The following IL1RAPL1 variants were observed in gnomAD, a reference collection of about 807,000 sequenced individuals.
IL1RAPL1 encodes interleukin 1 receptor accessory protein like 1, also known as interleukin-1 receptor accessory protein-like 1.
IL1RAPL1 carries 3 observed loss-of-function variants against 48.4 expected under a neutral mutation model. The observed-to-expected ratio is 0.06, with a 90% CI of 0.03 to 0.16. The LOEUF (loss-of-function observed/expected upper bound fraction) is 0.16, where lower values mean the gene tolerates loss of function less well. IL1RAPL1 is among the 10% of genes least tolerant of loss of function. The probability of loss-of-function intolerance (pLI) is 1.00; values close to 1 mark genes in which losing one functional copy is unlikely to be tolerated. For missense variants in IL1RAPL1, 349 were observed against 530.6 expected (o/e 0.66, Z 3.36); for synonymous variants, 185 against 187.7 (o/e 0.99, Z 0.12).
intron 6 of IL1RAPL1, among the ~76,000 whole-genome samples, chrX:29,839,710 G>T (rs1373748909): frequency 8.9e-6 from 1 of 111,918 alleles, no homozygotes; most frequent in Non-Finnish European, 1.9e-5. Flanking sequence ...GAGGCCAGGG[G>T]TTCAAGACCA....
At chrX:29,445,294 C>T (rs1934599561) in intron 5 of IL1RAPL1, among the ~76,000 whole-genome samples, 1 of 112,155 alleles carries the variant, frequency 8.9e-6, no homozygotes, top group Non-Finnish European at 1.9e-5. Flanking sequence ...CTAAAAGGCA[C>T]ACCTTGGTTC....
chrX:29,628,854 T>G (rs1203233079), intron 5 of IL1RAPL1, among the ~76,000 whole-genome samples: 1 of 112,084 alleles, frequency 8.9e-6, no homozygotes, highest in Non-Finnish European at 1.9e-5. Flanking sequence ...CTGCAAGAGA[T>G]ACAAAGAAAA....
intron 2 of IL1RAPL1, among the ~76,000 whole-genome samples, chrX:29,097,169 A>G (rs1156798280): frequency 8.9e-6 from 1 of 111,790 alleles, no homozygotes; most frequent in Non-Finnish European, 1.9e-5. Flanking sequence ...GTACTGGAAC[A>G]CCCATACTTT....
chrX:29,090,977 A>G (rs1354629378), intron 2 of IL1RAPL1, among the ~76,000 whole-genome samples: 1 of 112,121 alleles, frequency 8.9e-6, no homozygotes. Flanking sequence ...TTGTGTTTTG[A>G]AGACAGGACA....
intron 2 of IL1RAPL1, among the ~76,000 whole-genome samples, chrX:29,096,448 C>T (rs1395147210): frequency 9.0e-6 from 1 of 111,588 alleles, no homozygotes; most frequent in East Asian, 2.8e-4. Flanking sequence ...TTTTCAAACA[C>T]TGGCCAGTCC....
chrX:29,713,274 C>A (rs1927400234), intron 6 of IL1RAPL1, among the ~76,000 whole-genome samples: 1 of 111,545 alleles, frequency 9.0e-6, no homozygotes. Context: ...TAATACATTG[C>A]ATATATCAAA....
At position 28,643,135 on chromosome X, in the gene IL1RAPL1, C is replaced by T. The variant is rs182323133; in HGVS notation, c.-25+55088C>T. Among the ~76,000 whole-genome samples, 890 of 111,477 alleles carry T rather than the reference C, an allele frequency of 8.0e-3. 11 individuals are homozygous for T. The highest frequency in any genetic ancestry group is 0.027 in the African/African-American group (838 of 30,647). On this transcript the variant is annotated intron_variant, in intron 1 of 10. Transcript: ENST00000378993. ...AACTCCTGACCTAAGATGATCCGCC[C>T]GCCTTGGCCTCCCAAAATGTTGGAA...
At chrX:29,945,326 GAA>G (rs1933195873) in intron 9 of IL1RAPL1, among the ~76,000 whole-genome samples, 1 of 112,156 alleles carries the variant, frequency 8.9e-6, no homozygotes, top group Non-Finnish European at 1.9e-5. Flanking sequence ...CTCTTCCAAA[GAA>G]GAGATGGCTA....
chrX:29,395,248 A>C (rs1933906971), intron 3 of IL1RAPL1, among the ~76,000 whole-genome samples: 1 of 111,781 alleles, frequency 8.9e-6, no homozygotes, highest in Admixed American at 9.6e-5. Flanking sequence ...CAAATACAGG[A>C]ATTTGATGGC....
chrX:29,876,220 C>A (rs1275767600), intron 6 of IL1RAPL1, among the ~76,000 whole-genome samples: 1 of 111,318 alleles, frequency 9.0e-6, no homozygotes, highest in African/African-American at 3.3e-5. Context: ...CTATACAGTT[C>A]AGAAAATTAC....
At chrX:28,737,599 TAAGAGAGCAAACAATAGA>T (rs891722859) in intron 1 of IL1RAPL1, among the ~76,000 whole-genome samples, 18 of 111,823 alleles carry the variant, frequency 1.6e-4, no homozygotes, top group Non-Finnish European at 3.2e-4. Flanking sequence ...CTCTAAATAT[TAAGAGAGCAAACAATAGA>T]AAAGTAATAA....
At chrX:29,018,471 G>A (rs902673724) in intron 2 of IL1RAPL1, among the ~76,000 whole-genome samples, 2 of 111,707 alleles carry the variant, frequency 1.8e-5, no homozygotes, top group African/African-American at 6.5e-5. Flanking sequence ...TCTAGCCTAG[G>A]GTGTCAGAAA....
chrX:29,719,474 G>A (rs189292654), intron 6 of IL1RAPL1, among the ~76,000 whole-genome samples: 16 of 111,016 alleles, frequency 1.4e-4, no homozygotes, highest in East Asian at 5.7e-4. Flanking sequence ...TGGTGGTGTC[G>A]AATATTCTGA....
At chrX:29,605,072 ACAC>A (rs1237816167) in intron 5 of IL1RAPL1, among the ~76,000 whole-genome samples, 2 of 1,558 alleles carry the variant, frequency 1.3e-3, no homozygotes, top group Non-Finnish European at 1.3e-3. Context: ...TAAGTCTTAA[ACAC>A]ACACACACAC....
intron 5 of IL1RAPL1, among the ~76,000 whole-genome samples, chrX:29,485,260 T>TA (rs2147749466): frequency 8.9e-6 from 1 of 112,124 alleles, no homozygotes; most frequent in Non-Finnish European, 1.9e-5. Flanking sequence ...TGCCTATAGT[T>TA]TTATTATCTC....
intron 2 of IL1RAPL1, among the ~76,000 whole-genome samples, chrX:28,999,768 T>G (rs1369579680): frequency 1.8e-5 from 2 of 111,849 alleles, no homozygotes; most frequent in African/African-American, 3.3e-5. Context: ...AATCATATCT[T>G]AGACTACTTA....
At chrX:29,747,430 G>T (rs757241067) in intron 6 of IL1RAPL1, among the ~76,000 whole-genome samples, 1 of 112,593 alleles carries the variant, frequency 8.9e-6, no homozygotes, top group Admixed American at 9.4e-5. Flanking sequence ...GCCTGTCCAT[G>T]ATGGCATAAA....
intron 5 of IL1RAPL1, among the ~76,000 whole-genome samples, chrX:29,630,461 T>A (rs973992935): frequency 8.9e-6 from 1 of 111,989 alleles, no homozygotes; most frequent in Non-Finnish European, 1.9e-5. Context: ...TTATTAAGAA[T>A]TGTCAATACA....
chrX:29,493,396 T>A (rs1457046693), intron 5 of IL1RAPL1, among the ~76,000 whole-genome samples: 1 of 112,650 alleles, frequency 8.9e-6, no homozygotes, highest in South Asian at 3.6e-4. Flanking sequence ...TATAATCCAA[T>A]GTAAATACGA....
Sources: allele counts gnomAD v4.1 joint callset (sites outside exome capture counted in the v4.1 genomes callset), GRCh38; gene constraint gnomAD v4.1.1; transcripts MANE v1.5; gene names NCBI Gene and HGNC (gene_info 2026-07-23, HGNC 2026-07-21).